CACNA2D3: variants seen among roughly 807,000 people sequenced by gnomAD.
CACNA2D3 encodes the protein voltage-dependent calcium channel subunit alpha-2/delta-3.
CACNA2D3 carries 60 observed loss-of-function variants against 160.6 expected under a neutral mutation model. The observed-to-expected ratio is 0.37, with a 90% confidence interval of 0.30 to 0.46. The LOEUF (loss-of-function observed/expected upper bound fraction) is 0.46. Ranked by LOEUF, CACNA2D3 falls within the 20% of genes least tolerant of loss-of-function variation. The probability of loss-of-function intolerance (pLI) is 1.00; values close to 1 mark genes in which losing one functional copy is unlikely to be tolerated. For missense variants in CACNA2D3, 1,205 were observed against 1,365.0 expected (o/e 0.88, Z 1.85); for synonymous variants, 558 against 492.9 (o/e 1.13, Z -1.75).
chr3:54,631,543 C>T (rs1699238429), intron 10 of CACNA2D3, among the ~76,000 whole-genome samples: 1 of 152,202 alleles, frequency 6.6e-6, no homozygotes, highest in Non-Finnish European at 1.5e-5. Context: ...CACACATATA[C>T]ACGCACACAC....
At chr3:54,358,888 G>A (rs1698696124) in intron 3 of CACNA2D3, among the ~76,000 whole-genome samples, 1 of 152,186 alleles carries the variant, frequency 6.6e-6, no homozygotes, top group Non-Finnish European at 1.5e-5. Context: ...TGTTGGCTGT[G>A]TTCTAGGACA....
intron 5 of CACNA2D3, among the ~76,000 whole-genome samples, chr3:54,541,676 C>G (rs1277875975): frequency 6.6e-6 from 1 of 152,128 alleles, no homozygotes; most frequent in Non-Finnish European, 1.5e-5. Context: ...GTTACCGTCA[C>G]GTGGTGCTGC....
At position 54,311,631 on chromosome 3, in the gene CACNA2D3, G is replaced by A. The variant is rs553744361; in HGVS notation, c.205-8811G>A. Reference sequence around the variant, plus strand: ...TCCAGAGGAGGCACACAGACCAGCCGTGCAGGATACGAGGGTGCAAGTTTA... The same window carrying A: ...TCCAGAGGAGGCACACAGACCAGCCATGCAGGATACGAGGGTGCAAGTTTA... On this transcript the variant is annotated intron_variant, in intron 2 of 37. Coordinates refer to ENST00000474759, the MANE Select transcript of CACNA2D3 (RefSeq NM_018398.3). Among the ~76,000 whole-genome samples, 13 of 152,284 alleles carry A rather than the reference G, an allele frequency of 8.5e-5. No individual in the cohort carries two copies. In the South Asian group the frequency reaches 1.2e-3, roughly 15 times the overall value.
At chr3:54,134,792 C>G (rs1004014696) in intron 2 of CACNA2D3, among the ~76,000 whole-genome samples, 18 of 152,236 alleles carry the variant, frequency 1.2e-4, no homozygotes, top group African/African-American at 4.3e-4. Context: ...CCCTGCCCAT[C>G]TGGGTCAGCA....
At chr3:54,936,163 CA>C (rs539489771) in intron 27 of CACNA2D3, among the ~76,000 whole-genome samples, 4,974 of 127,352 alleles carry the variant, frequency 0.039, 222 homozygotes, top group African/African-American at 0.11. Flanking sequence ...AGAATCATAG[CA>C]AAAAAAAAAA....
At chr3:54,926,812 A>G (rs1701035767) in intron 27 of CACNA2D3, among the ~76,000 whole-genome samples, 1 of 152,164 alleles carries the variant, frequency 6.6e-6, no homozygotes, top group African/African-American at 2.4e-5. Flanking sequence ...GTAAAACAGC[A>G]TCCTTGTTCA....
intron 4 of CACNA2D3, among the ~76,000 whole-genome samples, chr3:54,458,154 T>G (rs1431589959): frequency 6.6e-6 from 1 of 152,162 alleles, no homozygotes; most frequent in Non-Finnish European, 1.5e-5. Context: ...TGATATCCTT[T>G]GTTCCTTTCT....
intron 2 of CACNA2D3, among the ~76,000 whole-genome samples, chr3:54,296,937 G>A (rs775957709): frequency 2.6e-5 from 4 of 152,172 alleles, no homozygotes; most frequent in Non-Finnish European, 5.9e-5. Context: ...TGAACTCAGC[G>A]TCTTTGGAGG....
chr3:54,261,276 G>A (rs992904892), intron 2 of CACNA2D3, among the ~76,000 whole-genome samples: 38 of 152,212 alleles, frequency 2.5e-4, no homozygotes, highest in South Asian at 4.2e-4. Flanking sequence ...TTTAGGAACC[G>A]AGAATACTCA....
At chr3:54,739,825 ATAAC>A (rs948733811) in intron 11 of CACNA2D3, among the ~76,000 whole-genome samples, 3 of 151,950 alleles carry the variant, frequency 2.0e-5, no homozygotes, top group Admixed American at 1.3e-4. Flanking sequence ...GTGTATATAT[ATAAC>A]TATTTACATT....
chr3:54,689,203 T>G (rs761581592), intron 11 of CACNA2D3, among the ~76,000 whole-genome samples: 2 of 152,042 alleles, frequency 1.3e-5, no homozygotes, highest in Non-Finnish European at 2.9e-5. Context: ...CTCCTTGATT[T>G]TCTTGGCTGC....
intron 35 of CACNA2D3, among the ~76,000 whole-genome samples, chr3:55,036,648 A>G (rs1703822347): frequency 6.6e-6 from 1 of 151,192 alleles, no homozygotes; most frequent in Admixed American, 6.6e-5. Flanking sequence ...TTGTACTTTT[A>G]GTAGAGACAG....
intron 2 of CACNA2D3, among the ~76,000 whole-genome samples, chr3:54,294,208 G>GC (rs1703277605): frequency 1.3e-5 from 2 of 152,190 alleles, no homozygotes; most frequent in Non-Finnish European, 2.9e-5. Context: ...GATCATCTCT[G>GC]CCACCCTGTG....
chr3:54,410,209 C>T (rs1559473928), intron 4 of CACNA2D3, among the ~76,000 whole-genome samples: 1 of 152,052 alleles, frequency 6.6e-6, no homozygotes, highest in Non-Finnish European at 1.5e-5. Flanking sequence ...AAAAAAATAG[C>T]CAGGCGTGGT....
chr3:54,916,799 A>G (rs1186032355), intron 27 of CACNA2D3, among the ~76,000 whole-genome samples: 1 of 152,222 alleles, frequency 6.6e-6, no homozygotes, highest in African/African-American at 2.4e-5. Context: ...TTAGGATCCA[A>G]ACCAATCATT....
intron 2 of CACNA2D3, among the ~76,000 whole-genome samples, chr3:54,274,765 T>A (rs1385105675): frequency 6.6e-6 from 1 of 152,222 alleles, no homozygotes; most frequent in Non-Finnish European, 1.5e-5. Context: ...GGCTCACGCA[T>A]GGTCTGAGGG....
chr3:54,823,892 G>A (rs2106731716), intron 14 of CACNA2D3, among the ~76,000 whole-genome samples: 1 of 152,272 alleles, frequency 6.6e-6, no homozygotes, highest in South Asian at 2.1e-4. Flanking sequence ...TCTGTATTAT[G>A]AGCGTACATT....
intron 2 of CACNA2D3, among the ~76,000 whole-genome samples, chr3:54,161,081 A>G (rs2107296944): frequency 6.6e-6 from 1 of 152,296 alleles, no homozygotes; most frequent in South Asian, 2.1e-4. Flanking sequence ...GTTGTTTAGT[A>G]AGGGAGCAAT....
intron 4 of CACNA2D3, among the ~76,000 whole-genome samples, chr3:54,458,525 A>T (rs1264768891): frequency 1.3e-5 from 2 of 151,616 alleles, no homozygotes; most frequent in Non-Finnish European, 2.9e-5. Context: ...GTTTCTGCTG[A>T]GAAATCTACT....
Sources: allele counts gnomAD v4.1 joint callset (sites outside exome capture counted in the v4.1 genomes callset), GRCh38; gene constraint gnomAD v4.1.1; transcripts MANE v1.5; gene names NCBI Gene and HGNC (gene_info 2026-07-23, HGNC 2026-07-21).